Variants in GPR158 observed in about 807,000 individuals in gnomAD.
The protein encoded by GPR158 is metabotropic glycine receptor.
Under a neutral mutation model 78.2 loss-of-function variants are expected in GPR158, and 30 were observed. That is an observed-to-expected ratio of 0.38 (90% CI 0.29 to 0.52). GPR158 has a LOEUF of 0.52. GPR158 is among the 20% of genes least tolerant of loss of function. The pLI, the probability that GPR158 is intolerant of heterozygous loss-of-function variation, is 0.83. For synonymous variants in GPR158, 581 were observed against 591.1 expected (o/e 0.98, Z 0.25); for missense variants, 1,463 against 1,523.5 (o/e 0.96, Z 0.66).
At position 25,228,549 on chromosome 10, in the gene GPR158, C is replaced by T. The variant is rs141497882; in HGVS notation, c.1008+7392C>T. On this transcript the variant is annotated intron_variant, in intron 2 of 10. Transcript: ENST00000376351. ...ATTTTAAAGAAAATAAACAGGTTCTCCAGTATGGTTTAAGGATTAGTAAGC... is the reference window on the plus strand; with the variant it reads ...ATTTTAAAGAAAATAAACAGGTTCTTCAGTATGGTTTAAGGATTAGTAAGC... Among the ~76,000 whole-genome samples the T allele has an allele frequency of 1.4e-3, 213 of 152,080 alleles. 1 individual carries two copies. The highest frequency in any genetic ancestry group is 2.7e-3 in the Non-Finnish European group (184 of 67,980).
At chr10:25,379,664 T>TTG in intron 2 of GPR158, among the ~76,000 whole-genome samples, 1 of 150,842 alleles carries the variant, frequency 6.6e-6, no homozygotes, top group Non-Finnish European at 1.5e-5. Flanking sequence ...TTTTTTTTTT[T>TTG]TCTGTACTTC....
intron 2 of GPR158, among the ~76,000 whole-genome samples, chr10:25,299,131 T>C (rs891399051): frequency 2.0e-5 from 3 of 152,130 alleles, no homozygotes; most frequent in African/African-American, 7.2e-5. Flanking sequence ...TTGTTTATTT[T>C]TGTATATGTT....
At chr10:25,276,346 A>C (rs924520575) in intron 2 of GPR158, among the ~76,000 whole-genome samples, 16 of 152,300 alleles carry the variant, frequency 1.1e-4, no homozygotes, top group African/African-American at 3.1e-4. Context: ...AAACCAAAAA[A>C]ACAAAAACTG....
At chr10:25,482,319 A>C (rs1835672856) in intron 5 of GPR158, among the ~76,000 whole-genome samples, 1 of 151,860 alleles carries the variant, frequency 6.6e-6, no homozygotes, top group South Asian at 2.1e-4. Flanking sequence ...AAGTAGCTGG[A>C]ACAATAGGTG....
intron 1 of GPR158, among the ~76,000 whole-genome samples, chr10:25,199,853 T>C (rs1027718317): frequency 1.3e-5 from 2 of 152,210 alleles, no homozygotes; most frequent in African/African-American, 4.8e-5. Flanking sequence ...GAAAACAGAC[T>C]AATATAGCTG....
chr10:25,363,107 A>G (rs1855666450), intron 2 of GPR158, among the ~76,000 whole-genome samples: 1 of 151,824 alleles, frequency 6.6e-6, no homozygotes, highest in Non-Finnish European at 1.5e-5. Context: ...GTGATTGATT[A>G]TTTATTCTAG....
rs545685643 is a variant in GPR158, at chr10:25,316,436, A to G, written c.1009-79475A>G. On this transcript the variant is annotated intron_variant, in intron 2 of 10. Coordinates refer to ENST00000376351, the MANE Select transcript of GPR158 (RefSeq NM_020752.3). ...TCTAACAACTTGGTGACCATTTGCA[A>G]ATGGTTGCAAGAAAAACGATAGTGT... Among the ~76,000 whole-genome samples the G allele has an allele frequency of 3.3e-5, 5 of 152,306 alleles. No individual in the cohort carries two copies. In the South Asian group the frequency reaches 1.0e-3, roughly 32 times the overall value.
intron 4 of GPR158, among the ~76,000 whole-genome samples, chr10:25,424,382 G>A (rs955131956): frequency 6.6e-6 from 1 of 152,088 alleles, no homozygotes; most frequent in African/African-American, 2.4e-5. Flanking sequence ...AAGCTCTTTA[G>A]TTTAATTAGA....
At chr10:25,198,788 G>A (rs1273964038) in intron 1 of GPR158, among the ~76,000 whole-genome samples, 1 of 151,978 alleles carries the variant, frequency 6.6e-6, no homozygotes, top group African/African-American at 2.4e-5. Flanking sequence ...AGTCATCAAT[G>A]GGCCAAGTAT....
intron 5 of GPR158, among the ~76,000 whole-genome samples, chr10:25,473,158 G>A (rs1003317134): frequency 4.6e-5 from 7 of 151,754 alleles, no homozygotes; most frequent in African/African-American, 1.7e-4. Flanking sequence ...AGAGTTTTTA[G>A]CATGAACGGT....
At chr10:25,177,345 C>T (rs1852552434) in intron 1 of GPR158, among the ~76,000 whole-genome samples, 2 of 152,072 alleles carry the variant, frequency 1.3e-5, no homozygotes, top group African/African-American at 4.8e-5. Flanking sequence ...TAGGAGAGGG[C>T]CCAAGATGAA....
chr10:25,195,441 G>C (rs976082612), intron 1 of GPR158, among the ~76,000 whole-genome samples: 6 of 152,066 alleles, frequency 3.9e-5, no homozygotes, highest in African/African-American at 1.4e-4. Flanking sequence ...CCTGACCTCA[G>C]GTGATCCACC....
chr10:25,187,490 A>G (rs1379977858), intron 1 of GPR158, among the ~76,000 whole-genome samples: 2 of 152,232 alleles, frequency 1.3e-5, no homozygotes, highest in Non-Finnish European at 2.9e-5. Flanking sequence ...ACACAAATCA[A>G]TAAACGTAAT....
chr10:25,223,937 AACTTTCCAGCCTCTAGGGTATGT>A (rs1853336857), intron 2 of GPR158, among the ~76,000 whole-genome samples: 1 of 152,308 alleles, frequency 6.6e-6, no homozygotes, highest in East Asian at 1.9e-4. Context: ...GATGTTGGAA[AACTTTCCAGCCTCTAGGGTATGT>A]ACAACCAAAA....
At chr10:25,184,618 A>G (rs1852656085) in intron 1 of GPR158, among the ~76,000 whole-genome samples, 1 of 152,252 alleles carries the variant, frequency 6.6e-6, no homozygotes, top group Non-Finnish European at 1.5e-5. Flanking sequence ...AGTCAGAATT[A>G]TCCTAATTTT....
At chr10:25,419,477 T>A (rs1834715478) in intron 4 of GPR158, among the ~76,000 whole-genome samples, 1 of 152,220 alleles carries the variant, frequency 6.6e-6, no homozygotes, top group African/African-American at 2.4e-5. Flanking sequence ...AGTGTCTATA[T>A]GAATATTTGT....
intron 5 of GPR158, among the ~76,000 whole-genome samples, chr10:25,514,359 CT>C (rs1836132123): frequency 1.3e-5 from 2 of 152,008 alleles, no homozygotes; most frequent in South Asian, 2.1e-4. Flanking sequence ...CATGGAGTAT[CT>C]TTTATCCTTG....
chr10:25,343,025 G>C (rs544201203), intron 2 of GPR158, among the ~76,000 whole-genome samples: 2 of 151,874 alleles, frequency 1.3e-5, no homozygotes, highest in Non-Finnish European at 2.9e-5. Flanking sequence ...ATCAATGAAA[G>C]TCTCTGATTT....
intron 4 of GPR158, among the ~76,000 whole-genome samples, chr10:25,447,107 A>G (rs1385390471): frequency 2.0e-5 from 3 of 152,254 alleles, no homozygotes; most frequent in African/African-American, 7.2e-5. Flanking sequence ...ATTGAATTGA[A>G]GAATTCACTG....
Sources: gnomAD v4.1 joint callset for allele counts (sites outside exome capture counted in the v4.1 genomes callset) on GRCh38, gnomAD v4.1.1 for gene constraint, MANE v1.5 for transcripts, NCBI Gene and HGNC (gene_info 2026-07-23, HGNC 2026-07-21) for gene names.